The following SEMA7A variants were observed in gnomAD, a reference collection of about 807,000 sequenced individuals.
SEMA7A encodes semaphorin-7A.
Under a neutral mutation model 67.5 loss-of-function variants are expected in SEMA7A, and 21 were observed. The observed-to-expected ratio is 0.31, with a 90% confidence interval of 0.22 to 0.45. The LOEUF (loss-of-function observed/expected upper bound fraction) is 0.45. SEMA7A is among the 20% of genes least tolerant of loss of function. SEMA7A has a pLI of 1.00. For synonymous variants in SEMA7A, 364 were observed against 368.5 expected, an observed-to-expected ratio of 0.99 and a Z score of 0.14; for missense variants, 774 against 908.6, an observed-to-expected ratio of 0.85 and a Z score of 1.90.
At chr15:74,433,687 C>G in intron 1 of SEMA7A, 54 bp downstream of exon 1, 1 of 1,373,968 alleles carries the variant, frequency 7.3e-7, no homozygotes, top group Non-Finnish European at 9.3e-7. Flanking sequence ...CACTCCGCAC[C>G]CGCCCCGCGC....
In SEMA7A at chr15:74,423,191, G is replaced by A. The variant is rs887791405; in HGVS notation, c.179-4239C>T. ...GGTTGGAGAGCCAGCACATCTGGCA[G>A]GAGCGTCCTCCCACAGTTGTGCCCC... On this transcript the variant is annotated intron_variant, in intron 1 of 13. Transcript: ENST00000261918. The surrounding 1 kb of genome is among the most constrained non-coding windows in gnomAD (Gnocchi z 4.1). Among the ~76,000 whole-genome samples the A allele has an allele frequency of 8.9e-4, 135 of 152,348 alleles. No individual in the cohort carries two copies. The highest frequency in any genetic ancestry group is 2.9e-3 in the African/African-American group (121 of 41,582).
chr15:74,431,982 G>C (rs560329856), intron 1 of SEMA7A, among the ~76,000 whole-genome samples: 1 of 151,206 alleles, frequency 6.6e-6, no homozygotes, highest in Non-Finnish European at 1.5e-5. Context: ...TGGGAGCTTC[G>C]AAAAGTGGGT....
At chr15:74,418,004 G>A (rs563510463) in intron 3 of SEMA7A, 35 bp from the exon 4 acceptor site, 3 of 1,607,070 alleles carry the variant, frequency 1.9e-6, no homozygotes, top group South Asian at 1.1e-5. Context: ...GAGAGAAATT[G>A]GTTGCTGGAA....
rs769208510 is a variant in SEMA7A at position 74,416,659 on chromosome 15, C to T, written c.717G>A (p.Lys239=). 7.4e-6 allele frequency: 12 copies of T among 1,613,948 alleles called. No individual in the cohort carries two copies. The highest frequency in any genetic ancestry group is 1.7e-5 in the Admixed American group (1 of 59,994). Residue 239 remains lysine, a synonymous_variant, in exon 7 of 14, where the codon AAG becomes AAA. Transcript: ENST00000261918. ...IVHQDQAYDD[K]IYYFFREDNP... is the part of the protein sequence containing the mutation. ...TGTCCTCTCGGAAGAAGTAGTAGATCTTGTCATCGTAAGCCTGGTCTTGGT... is the reference window on the plus strand; with the variant it reads ...TGTCCTCTCGGAAGAAGTAGTAGATTTTGTCATCGTAAGCCTGGTCTTGGT...
Position 74,411,078 on chromosome 15 carries a change from G to A in SEMA7A, c.1640-93C>T. On this transcript the variant is annotated intron_variant, in intron 13 of 13. Coordinates refer to ENST00000261918, the MANE Select transcript of SEMA7A (RefSeq NM_003612.5). The surrounding 1 kb of genome is among the most constrained non-coding windows in gnomAD (Gnocchi z 4.4). ...CCACGGACTGGGATCCCAGGACAAG[G>A]CTTCTGAATGAACGTGGGGAACCCA... The A allele has an allele frequency of 2.6e-6, 4 of 1,514,620 alleles. No homozygotes were observed. The highest frequency in any genetic ancestry group is 1.4e-5 in the African/African-American group (1 of 72,130). 93.8% of individuals were successfully genotyped at this position (1,514,620 alleles called of 1,614,324 possible).
At position 74,413,183 on chromosome 15, in the gene SEMA7A, A is replaced by G. The variant is rs144791364; in HGVS notation, c.1295-1171T>C. ...CTTGGGCCTGATAAGGCCCCACCCC[A>G]GCCACTGCCTTCACAGACATACTGC... On this transcript the variant is annotated intron_variant, in intron 10 of 13. Coordinates refer to ENST00000261918, the MANE Select transcript of SEMA7A (RefSeq NM_003612.5). 8.4e-4 allele frequency among the ~76,000 whole-genome samples: 128 copies of G among 152,334 alleles called. 1 individual carries two copies. Among genetic ancestry groups the G allele is most frequent in the African/African-American group, 2.9e-3 (120 of 41,568 alleles).
rs552203280 is a variant in SEMA7A, at chr15:74,423,449, G to A, written c.179-4497C>T. On this transcript the variant is annotated intron_variant, in intron 1 of 13. Coordinates refer to ENST00000261918, the MANE Select transcript of SEMA7A (RefSeq NM_003612.5). This position sits in a 1 kb window ranked among gnomAD's most constrained non-coding sequence, Gnocchi z 4.1. ...GGCCCAAGGACACAGAGCGAGGGAA[G>A]CTCCAAGTTTCCAGTACCCATTACC... 1.3e-5 allele frequency among the ~76,000 whole-genome samples: 2 copies of A among 152,302 alleles called. No individual in the cohort carries two copies. The highest frequency in any genetic ancestry group is 6.5e-5 in the Admixed American group (1 of 15,310).
chr15:74,427,227 C>T (rs1440860863), intron 1 of SEMA7A: 5 of 985,426 alleles, frequency 5.1e-6, no homozygotes, highest in Non-Finnish European at 6.0e-6. Flanking sequence ...TTCATCTGGC[C>T]TATGGGGCCC....
intron 1 of SEMA7A, among the ~76,000 whole-genome samples, chr15:74,422,130 G>A (rs1214943466): frequency 6.6e-6 from 1 of 151,980 alleles, no homozygotes; most frequent in Non-Finnish European, 1.5e-5. Flanking sequence ...CACGTGTGAT[G>A]GGGGAGGGAA....
intron 1 of SEMA7A, among the ~76,000 whole-genome samples, chr15:74,421,393 C>T (rs1461702479): frequency 6.6e-6 from 1 of 152,174 alleles, no homozygotes; most frequent in Non-Finnish European, 1.5e-5. Context: ...CCGGACAATC[C>T]CATGCGGATC....
intron 3 of SEMA7A, 142 bp from the exon 4 acceptor site, chr15:74,418,111 G>T: frequency 6.1e-6 from 7 of 1,146,320 alleles, no homozygotes; most frequent in Non-Finnish European, 9.0e-6. Context: ...AGCCCAGAGT[G>T]TGTGCAGCTG....
chr15:74,431,323 C>T (rs1469482228), intron 1 of SEMA7A, among the ~76,000 whole-genome samples: 1 of 152,240 alleles, frequency 6.6e-6, no homozygotes, highest in East Asian at 1.9e-4. Context: ...TCTCCCTGGC[C>T]TGAGCTACGC....
Position 74,410,656 on chromosome 15 carries a change from G to A in SEMA7A, c.1969C>T (p.Pro657Ser), listed in dbSNP as rs752136309. 6.2e-7 allele frequency: 1 copy of A among 1,604,190 alleles called. No individual in the cohort carries two copies. The highest frequency in any genetic ancestry group is 8.5e-7 in the Non-Finnish European group (1 of 1,173,702). Residue 657 changes from proline to serine, a missense_variant, in exon 14 of 14, where the codon CCC becomes TCC. By Grantham distance (74) the Pro-to-Ser change is moderately conservative. This residue lies in a region of SEMA7A where 427 missense variants were observed against 555.4 expected (regional missense o/e 0.77). Transcript: ENST00000261918. This position sits in a 1 kb window ranked among gnomAD's most constrained non-coding sequence, Gnocchi z 7.5. ...LAASLWLGVL[P>S]TLTLGLLVH ...ACCAGCAAGCCAAGAGTGAGTGTGG[G>A]CAGCACCCCCAGCCAGAGGGAGGCG... is the stretch of plus-strand genomic sequence containing the variant.
At chr15:74,412,541 T>C (rs1470374665) in intron 10 of SEMA7A, among the ~76,000 whole-genome samples, 2 of 152,182 alleles carry the variant, frequency 1.3e-5, no homozygotes, top group African/African-American at 4.8e-5. Context: ...TTAGGGAATA[T>C]ATTTACTTTA....
intron 1 of SEMA7A, among the ~76,000 whole-genome samples, chr15:74,420,862 G>A (rs185018678): frequency 2.0e-4 from 30 of 152,316 alleles, no homozygotes; most frequent in African/African-American, 7.0e-4. Context: ...GAAAAGGTGC[G>A]TGTCTGCATC....
At chr15:74,422,380 A>T (rs557341748) in intron 1 of SEMA7A, among the ~76,000 whole-genome samples, 1 of 152,116 alleles carries the variant, frequency 6.6e-6, no homozygotes, top group Admixed American at 6.5e-5. Flanking sequence ...TCCCAGAATA[A>T]CCAGGGGCTC....
chr15:74,421,711 C>T (rs1018321585), intron 1 of SEMA7A, among the ~76,000 whole-genome samples: 1 of 152,310 alleles, frequency 6.6e-6, no homozygotes, highest in Admixed American at 6.5e-5. Flanking sequence ...GCAGCAGCAG[C>T]TCGATGAATA....
intron 3 of SEMA7A, 139 bp from the exon 4 acceptor site, chr15:74,418,108 A>T (rs546630174): frequency 8.6e-7 from 1 of 1,157,642 alleles, no homozygotes; most frequent in South Asian, 1.3e-5. Flanking sequence ...GACAGCCCAG[A>T]GTGTGTGCAG....
At position 74,414,981 on chromosome 15, in the gene SEMA7A, C is replaced by A; in HGVS notation, c.987-35G>T. 6.4e-7 allele frequency: 1 copy of A among 1,554,238 alleles called. No homozygotes were observed. Among genetic ancestry groups the A allele is most frequent in the Non-Finnish European group, 8.9e-7 (1 of 1,128,838 alleles). On this transcript the variant is annotated intron_variant, in intron 8 of 13. Transcript: ENST00000261918. This position sits in a 1 kb window ranked among gnomAD's most constrained non-coding sequence, Gnocchi z 4.1. ...CATGGAGACCAGCTCAATGGGGGGC[C>A]CAGAACCCACCCATCCACCTCCACT... is the stretch of plus-strand genomic sequence containing the variant.
Sources: allele counts gnomAD v4.1 joint callset (sites outside exome capture counted in the v4.1 genomes callset), GRCh38; gene constraint gnomAD v4.1.1; regional missense constraint gnomAD v4.1.1; non-coding constraint Gnocchi (gnomAD v3.1); transcripts MANE v1.5; gene names NCBI Gene and HGNC (gene_info 2026-07-23, HGNC 2026-07-21).